Variants in LNX2 observed in about 807,000 individuals in gnomAD.
The protein encoded by LNX2 is ligand of numb-protein X 2, also known as ligand of Numb protein X 2.
LNX2 carries 35 observed loss-of-function variants against 66.2 expected under a neutral mutation model. The observed-to-expected ratio is 0.53, with a 90% confidence interval of 0.40 to 0.70. The LOEUF is 0.70. Among genes scored for constraint, LNX2 ranks in the 30% least tolerant of loss-of-function variants. LNX2 has a pLI of 0.00. For synonymous variants in LNX2, 337 were observed against 315.6 expected (o/e 1.07, Z -0.72); for missense variants, 791 against 850.8 (o/e 0.93, Z 0.87).
rs1003572906 is a variant in LNX2, at chr13:27,546,460, T to C, written c.*1875A>G. On this transcript the variant is annotated 3_prime_UTR_variant, in exon 10 of 10. Coordinates refer to ENST00000316334, the MANE Select transcript of LNX2 (RefSeq NM_153371.4). ...CATCACACAACAGTAATATACTGTA[T>C]GGGCCATTCCACTGTATCTTGTTAT... The C allele has an allele frequency of 1.3e-5, 2 of 152,212 alleles. No individual in the cohort carries two copies. The highest frequency in any genetic ancestry group is 4.8e-5 in the African/African-American group (2 of 41,462). 9.4% of individuals were successfully genotyped at this position (152,212 alleles called of 1,614,324 possible).
intron 1 of LNX2, among the ~76,000 whole-genome samples, chr13:27,586,176 G>C (rs1413535649): frequency 6.6e-6 from 1 of 151,644 alleles, no homozygotes; most frequent in African/African-American, 2.4e-5. Context: ...TAGGTGCAAT[G>C]TAAGTGCTAT....
intron 2 of LNX2, among the ~76,000 whole-genome samples, chr13:27,575,542 T>A (rs903397956): frequency 2.0e-5 from 3 of 152,152 alleles, no homozygotes; most frequent in African/African-American, 7.2e-5. Context: ...CCTTACTGCT[T>A]GAGTTGTGAC....
In LNX2 at chr13:27,548,442, C is replaced by T. The variant is rs1173451650; in HGVS notation, c.1966G>A (p.Gly656Arg). The change falls in exon 10 of 10, where the codon GGG (glycine) becomes AGG (arginine). Residue 656 changes from glycine to arginine, a missense_variant. By Grantham distance (125) the Gly-to-Arg change is moderately radical. Transcript: ENST00000316334. The stretch of plus-strand genomic sequence containing the variant: ...TGGCTCATGCCCACGGTTGACAGCC[C>T]ATTTACGGCCACAATCATGTCACCA... ...KCGDMIVAVNGLSTVGMSHSA... is the reference protein window; with the variant it reads ...KCGDMIVAVNRLSTVGMSHSA... 6.2e-7 allele frequency: 1 copy of T among 1,613,998 alleles called. No homozygotes were observed. Among genetic ancestry groups the T allele is most frequent in the East Asian group, 2.2e-5 (1 of 44,868 alleles).
At chr13:27,620,767 C>T (rs879657625), upstream of LNX2, 89 of 153,128 alleles carry the variant, frequency 5.8e-4, no homozygotes, top group Non-Finnish European at 9.2e-4. Flanking sequence ...GCCCGCCTCC[C>T]CCACTCGCCC....
chr13:27,601,767 G>C (rs1190650313), intron 1 of LNX2, among the ~76,000 whole-genome samples: 1 of 152,106 alleles, frequency 6.6e-6, no homozygotes, highest in Admixed American at 6.5e-5. Context: ...GCTCACTGTA[G>C]TCTTGAACTC....
intron 2 of LNX2, among the ~76,000 whole-genome samples, chr13:27,580,973 A>G (rs1455719022): frequency 6.6e-6 from 1 of 152,214 alleles, no homozygotes; most frequent in African/African-American, 2.4e-5. Flanking sequence ...TATAGTTTTT[A>G]AAAACAAACT....
At chr13:27,606,531 C>T (rs1481547671) in intron 1 of LNX2, among the ~76,000 whole-genome samples, 3 of 151,836 alleles carry the variant, frequency 2.0e-5, no homozygotes, top group Non-Finnish European at 2.9e-5. Context: ...AGTTAAATTT[C>T]AAAAAAATTA....
intron 6 of LNX2, among the ~76,000 whole-genome samples, chr13:27,558,635 A>G (rs78006787): frequency 0.044 from 6,653 of 152,192 alleles, 206 homozygotes; most frequent in Non-Finnish European, 0.067. Context: ...AGGACTAGCT[A>G]TATGAAACAA....
intron 2 of LNX2, among the ~76,000 whole-genome samples, chr13:27,578,642 T>G (rs1955366170): frequency 6.6e-6 from 1 of 152,142 alleles, no homozygotes; most frequent in Admixed American, 6.6e-5. Context: ...ACCACTTATG[T>G]AAGAACTTTA....
At chr13:27,612,045 A>T (rs2138481723) in intron 1 of LNX2, among the ~76,000 whole-genome samples, 1 of 152,344 alleles carries the variant, frequency 6.6e-6, no homozygotes, top group South Asian at 2.1e-4. Context: ...GGAAAAACAG[A>T]TCTGAGACTT....
rs7987725 is a variant in LNX2 at position 27,549,310 on chromosome 13, C to T, written c.1938-840G>A. 3.6e-3 allele frequency among the ~76,000 whole-genome samples: 546 copies of T among 152,272 alleles called. 1 individual carries two copies. The highest frequency in any genetic ancestry group is 0.013 in the African/African-American group (523 of 41,556). ...ATTCTATATAGAATGTCAACATTTA[C>T]TTTTTAAGAACTGGTTCTTCCTTCG... On this transcript the variant is annotated intron_variant, in intron 9 of 9. Coordinates refer to ENST00000316334, the MANE Select transcript of LNX2 (RefSeq NM_153371.4).
At chr13:27,598,716 A>G (rs1170001712) in intron 1 of LNX2, among the ~76,000 whole-genome samples, 1 of 152,218 alleles carries the variant, frequency 6.6e-6, no homozygotes, top group Non-Finnish European at 1.5e-5. Flanking sequence ...TTCCAGAGCT[A>G]TAATTTTAAA....
intron 2 of LNX2, among the ~76,000 whole-genome samples, chr13:27,573,376 T>C (rs1955306206): frequency 1.3e-5 from 2 of 151,902 alleles, no homozygotes; most frequent in African/African-American, 4.8e-5. Context: ...CTGTCTTTAC[T>C]TGGCTTGACT....
chr13:27,604,686 A>T (rs972234192), intron 1 of LNX2, among the ~76,000 whole-genome samples: 11 of 152,072 alleles, frequency 7.2e-5, no homozygotes, highest in African/African-American at 2.7e-4. Flanking sequence ...TAATATAAAA[A>T]GTAAAAAATT....
chr13:27,605,980 C>A (rs867450240), intron 1 of LNX2, among the ~76,000 whole-genome samples: 6 of 152,088 alleles, frequency 3.9e-5, no homozygotes, highest in African/African-American at 1.4e-4. Context: ...TCTCCCACAC[C>A]CCTTTTCAGA....
At chr13:27,572,553 C>G (rs1955294815) in intron 2 of LNX2, among the ~76,000 whole-genome samples, 1 of 152,190 alleles carries the variant, frequency 6.6e-6, no homozygotes, top group Non-Finnish European at 1.5e-5. Flanking sequence ...CCAAAATGCT[C>G]TTGCAGCAGC....
chr13:27,546,691 G>A lies in LNX2; in HGVS notation c.*1644C>T, dbSNP rs771200223. The A allele has an allele frequency of 8.5e-5, 13 of 152,070 alleles. No homozygotes were observed. The highest frequency in any genetic ancestry group is 1.6e-4 in the Non-Finnish European group (11 of 68,008). 9.4% of individuals were successfully genotyped at this position (152,070 alleles called of 1,614,324 possible). On this transcript the variant is annotated 3_prime_UTR_variant, in exon 10 of 10. Transcript: ENST00000316334. The stretch of plus-strand genomic sequence containing the variant: ...GTCATGCTTCATAATATATTGTACT[G>A]TAGTATTCTGAAATACATTCTCTGA...
chr13:27,604,389 G>A (rs1009152774), intron 1 of LNX2, among the ~76,000 whole-genome samples: 4 of 152,166 alleles, frequency 2.6e-5, no homozygotes, highest in Non-Finnish European at 5.9e-5. Flanking sequence ...CTCAGCTATT[G>A]AGCACACTAT....
chr13:27,552,155 G>A (rs1219028416), intron 8 of LNX2, among the ~76,000 whole-genome samples: 1 of 152,166 alleles, frequency 6.6e-6, no homozygotes, highest in Non-Finnish European at 1.5e-5. Context: ...GAAAAAAAGA[G>A]GTCAATGTGC....
Sources: allele counts gnomAD v4.1 joint callset (sites outside exome capture counted in the v4.1 genomes callset), GRCh38; gene constraint gnomAD v4.1.1; transcripts MANE v1.5; gene names NCBI Gene and HGNC (gene_info 2026-07-23, HGNC 2026-07-21).